Variants in THOC2 observed in about 807,000 individuals in gnomAD.
The protein encoded by THOC2 is THO complex 2.
In THOC2, 10 loss-of-function variants were observed where a neutral mutation model predicts 128.4. The ratio of observed to expected loss-of-function variants is 0.08; its 90% CI spans 0.05 to 0.13. THOC2 has a LOEUF of 0.13. Ranked by LOEUF, THOC2 falls within the 10% of genes least tolerant of loss-of-function variation. The pLI is 1.00. For missense variants in THOC2, 535 were observed against 1,155.7 expected (o/e 0.46, Z 7.79); for synonymous variants, 393 against 396.9 (o/e 0.99, Z 0.12).
chrX:123,617,765 G>T (rs1252363381), intron 33 of THOC2, among the ~76,000 whole-genome samples: 4 of 111,597 alleles, frequency 3.6e-5, no homozygotes, highest in African/African-American at 1.3e-4. Flanking sequence ...CTGCTTCAAA[G>T]TATGTTTCAG....
At chrX:123,704,592 G>A (rs938168340) in intron 3 of THOC2, among the ~76,000 whole-genome samples, 9 of 111,720 alleles carry the variant, frequency 8.1e-5, no homozygotes, top group African/African-American at 2.6e-4. Context: ...AGGCACAGTG[G>A]CTCACGCCTG....
intron 12 of THOC2, among the ~76,000 whole-genome samples, chrX:123,662,495 G>A (rs1475885774): frequency 1.9e-5 from 2 of 107,124 alleles, no homozygotes; most frequent in African/African-American, 6.9e-5. Context: ...GGCTGAGGCA[G>A]GAGAATGGTG....
At position 123,620,920 on chromosome X, in the gene THOC2, G is replaced by C; in HGVS notation, c.4262C>G (p.Ser1421Cys). ...KIDTHPSPSH[S>C]STVKDSLIEL... ...GGCTATACTAACCTTTACTGTGGAG[G>C]AATGTGATGGAGAAGGGTGAGTATC... The change falls in exon 32 of 39, where the codon TCC (serine) becomes TGC (cysteine). Residue 1421 changes from serine to cysteine, a missense_variant. Physicochemically the swap from Ser to Cys is moderately radical, Grantham distance 112. This residue lies in a region of THOC2 where 116 missense variants were observed against 180.0 expected (regional missense o/e 0.64). Coordinates refer to ENST00000245838, the MANE Select transcript of THOC2 (RefSeq NM_001081550.2). The C allele has an allele frequency of 8.3e-7, 1 of 1,210,527 alleles. No individual in the cohort carries two copies. Among genetic ancestry groups the C allele is most frequent in the Non-Finnish European group, 1.1e-6 (1 of 894,869 alleles).
At chrX:123,626,896 G>C (rs185667724) in intron 23 of THOC2, among the ~76,000 whole-genome samples, 12 of 111,359 alleles carry the variant, frequency 1.1e-4, no homozygotes, top group African/African-American at 3.9e-4. Flanking sequence ...TTAGTCTCAG[G>C]CATGGTGTCA....
chrX:123,607,919 TG>T (rs1244632279), intron 38 of THOC2, among the ~76,000 whole-genome samples: 7 of 109,417 alleles, frequency 6.4e-5, no homozygotes, highest in Admixed American at 2.0e-4. Flanking sequence ...AACCCTGGAA[TG>T]TATCCAAATA....
chrX:123,678,400 G>C (rs922399781), intron 8 of THOC2, among the ~76,000 whole-genome samples: 56 of 108,574 alleles, frequency 5.2e-4, no homozygotes, highest in African/African-American at 1.8e-3. Flanking sequence ...CTAGTAGCCA[G>C]GATTACAGGT....
intron 7 of THOC2, 137 bp downstream of exon 7, chrX:123,695,884 A>C: frequency 2.5e-6 from 1 of 402,189 alleles, no homozygotes; most frequent in Non-Finnish European, 4.2e-6. Flanking sequence ...TTAAAAGTAA[A>C]AGCTAAACAC....
In THOC2 at chrX:123,733,001, C is replaced by A; in HGVS notation, c.22G>T (p.Val8Phe). ...CAGTTCTTTATCCACTCTGCGGGAA[C>A]CACCACAGCCGCGGCCGCCATCTTC... Reference protein sequence around the residue: MAAAAVVVPAEWIKNWEK... With the variant: MAAAAVVFPAEWIKNWEK... Residue 8 changes from valine to phenylalanine, a missense_variant, in exon 1 of 39, where the codon GTT becomes TTT. Val to Phe is a conservative substitution (Grantham distance 50). Around this residue, in one of 9 missense-constraint regions of THOC2, gnomAD observed 61 missense variants for 84.3 expected, o/e 0.72. Transcript: ENST00000245838. 1 of 1,211,850 alleles carries A rather than the reference C, an allele frequency of 8.3e-7. No homozygotes were observed. The highest frequency in any genetic ancestry group is 1.1e-6 in the Non-Finnish European group (1 of 895,463).
Position 123,624,684 on chromosome X carries a change from T to A in THOC2, c.3058-15A>T. On this transcript the variant is annotated splice_polypyrimidine_tract_variant and intron_variant, in intron 25 of 38. Coordinates refer to ENST00000245838, the MANE Select transcript of THOC2 (RefSeq NM_001081550.2). ...TCAGAGAAAACCTACAGGAGAAAAA[T>A]GTTTAAAAAATATAAACAAATCAAG... The A allele has an allele frequency of 8.4e-7, 1 of 1,190,888 alleles. No homozygotes were observed. Among genetic ancestry groups the A allele is most frequent in the South Asian group, 1.8e-5 (1 of 54,609 alleles).
intron 12 of THOC2, among the ~76,000 whole-genome samples, chrX:123,655,078 G>A (rs1300752699): frequency 1.8e-5 from 2 of 111,401 alleles, no homozygotes; most frequent in African/African-American, 6.5e-5. Context: ...TGTCTCAGAA[G>A]AGAGAGGAAA....
chrX:123,675,298 ACTC>A (rs753620331), intron 8 of THOC2, among the ~76,000 whole-genome samples: 85 of 111,147 alleles, frequency 7.6e-4, no homozygotes, highest in African/African-American at 2.6e-3. Flanking sequence ...GAGACAGCAC[ACTC>A]CTGGTTTCCT....
At chrX:123,617,006 T>C (rs760277513) in intron 33 of THOC2, among the ~76,000 whole-genome samples, 20 of 110,981 alleles carry the variant, frequency 1.8e-4, no homozygotes, top group Admixed American at 1.6e-3. Flanking sequence ...TGAAAATAGA[T>C]GCGTATCTTC....
intron 1 of THOC2, among the ~76,000 whole-genome samples, chrX:123,714,511 AAT>A (rs2051325071): frequency 8.9e-6 from 1 of 112,309 alleles, no homozygotes; most frequent in Non-Finnish European, 1.9e-5. Context: ...TGAAGAAACA[AAT>A]AGACACCAAC....
At chrX:123,644,151 T>C (rs1474947817) in intron 15 of THOC2, among the ~76,000 whole-genome samples, 1 of 112,570 alleles carries the variant, frequency 8.9e-6, no homozygotes, top group African/African-American at 3.2e-5. Context: ...GAGATAGTTC[T>C]GGATAATTTC....
chrX:123,685,742 CAACAAT>C (rs1013748105), intron 8 of THOC2, among the ~76,000 whole-genome samples: 15 of 111,460 alleles, frequency 1.3e-4, no homozygotes, highest in African/African-American at 4.2e-4. Flanking sequence ...TTTAAGAAAG[CAACAAT>C]AACAATAATA....
intron 29 of THOC2, 64 bp downstream of exon 29, chrX:123,623,041 T>C (rs2047142718): frequency 9.4e-7 from 1 of 1,067,217 alleles, no homozygotes. Flanking sequence ...CGTTCTGTGA[T>C]ACAAAACATT....
intron 33 of THOC2, among the ~76,000 whole-genome samples, chrX:123,616,195 C>CT (rs752345599): frequency 9.1e-6 from 1 of 110,451 alleles, no homozygotes; most frequent in Non-Finnish European, 1.9e-5. Context: ...TTATATTTAC[C>CT]TTTTTTTTAG....
chrX:123,713,024 C>T, intron 1 of THOC2, 116 bp from the exon 2 acceptor site: 1 of 450,599 alleles, frequency 2.2e-6, no homozygotes, highest in Non-Finnish European at 3.8e-6. Context: ...ATTTATTCTG[C>T]CTTTCATATA....
intron 22 of THOC2, among the ~76,000 whole-genome samples, chrX:123,628,591 A>G (rs1189885639): frequency 9.1e-6 from 1 of 110,382 alleles, no homozygotes; most frequent in Non-Finnish European, 1.9e-5. Flanking sequence ...CAGGCCTGTA[A>G]TCCCAGCTAC....
Sources: allele counts gnomAD v4.1 joint callset (sites outside exome capture counted in the v4.1 genomes callset), GRCh38; gene constraint gnomAD v4.1.1; regional missense constraint gnomAD v4.1.1; transcripts MANE v1.5; gene names NCBI Gene and HGNC (gene_info 2026-07-23, HGNC 2026-07-21).